The following WHRN variants were observed in gnomAD, a reference collection of about 807,000 sequenced individuals.
WHRN encodes CASK-interacting protein CIP98.
Under a neutral mutation model 68.3 loss-of-function variants are expected in WHRN, and 41 were observed. That is an observed-to-expected ratio of 0.60 (90% CI 0.47 to 0.78). WHRN has a LOEUF of 0.78. WHRN is among the 30% of genes least tolerant of loss of function. The pLI is 0.00. For synonymous variants in WHRN, 560 were observed against 561.3 expected (o/e 1.00, Z 0.03); for missense variants, 1,243 against 1,244.7 (o/e 1.00, Z 0.02).
chr9:114,434,245 G>C (rs1837659406), intron 3 of WHRN, among the ~76,000 whole-genome samples: 2 of 152,182 alleles, frequency 1.3e-5, no homozygotes, highest in Non-Finnish European at 2.9e-5. Context: ...GATGACAGCA[G>C]TGAGGCTCAG....
intron 2 of WHRN, among the ~76,000 whole-genome samples, chr9:114,472,427 C>A (rs188632932): frequency 6.6e-6 from 1 of 152,208 alleles, no homozygotes. Flanking sequence ...CCAGATAGGA[C>A]GGATCCGTGT....
At chr9:114,426,805 C>T (rs1836912350) in intron 3 of WHRN, among the ~76,000 whole-genome samples, 1 of 152,226 alleles carries the variant, frequency 6.6e-6, no homozygotes, top group Non-Finnish European at 1.5e-5. Flanking sequence ...TACACTTGTA[C>T]TTTGTTGAGG....
chr9:114,466,343 C>G lies in WHRN; in HGVS notation c.887G>C (p.Gly296Ala). ...AATGCCAAGGCCGTACTCAGCTCCC[C>G]CACGGATCGTGAGGCCCAGGGACCG... ...DGRSLGLTIRGGAEYGLGIYI... is the reference protein window; with the variant it reads ...DGRSLGLTIRAGAEYGLGIYI... Residue 296 changes from glycine to alanine, a missense_variant, in exon 3 of 12, where the codon GGG (glycine) becomes GCG (alanine). Physicochemically the swap from Gly to Ala is moderately conservative, Grantham distance 60. Transcript: ENST00000362057. 6.2e-7 allele frequency: 1 copy of G among 1,614,156 alleles called. No individual in the cohort carries two copies. Among genetic ancestry groups the G allele is most frequent in the South Asian group, 1.1e-5 (1 of 91,086 alleles).
chr9:114,448,586 T>C (rs1201414439), intron 3 of WHRN, among the ~76,000 whole-genome samples: 2 of 152,092 alleles, frequency 1.3e-5, no homozygotes, highest in Non-Finnish European at 2.9e-5. Flanking sequence ...AACTGGGCCA[T>C]CAAAAGAATA....
chr9:114,460,510 T>G (rs926372522), intron 3 of WHRN, among the ~76,000 whole-genome samples: 4 of 152,230 alleles, frequency 2.6e-5, no homozygotes, highest in African/African-American at 9.7e-5. Context: ...CAAAGGAGGT[T>G]TTGTGGTCCA....
rs7861589 is a variant in WHRN, at chr9:114,505,096, G to C, written c.-295C>G. On this transcript the variant is annotated 5_prime_UTR_variant, in exon 1 of 12. Coordinates refer to ENST00000362057, the MANE Select transcript of WHRN (RefSeq NM_015404.4). ...GCTGCTGGAGCCCGGAGGTGGCGGAGACTGCTGCTGGAGTCCGGGGGGCGC... is the reference window on the plus strand; with the variant it reads ...GCTGCTGGAGCCCGGAGGTGGCGGACACTGCTGCTGGAGTCCGGGGGGCGC... 2,417 of 365,922 alleles carry C rather than the reference G, an allele frequency of 6.6e-3. 51 individuals are homozygous for C. Among genetic ancestry groups the C allele is most frequent in the African/African-American group, 0.047 (2,203 of 46,910 alleles). The allele number at this position is 365,922 out of a possible 1,614,324, so 22.7% of individuals were successfully genotyped here.
At chr9:114,472,956 C>T (rs565636841) in intron 2 of WHRN, among the ~76,000 whole-genome samples, 36 of 152,324 alleles carry the variant, frequency 2.4e-4, no homozygotes, top group African/African-American at 7.2e-4. Flanking sequence ...CACACAGTCA[C>T]GAAGTTTCAA....
chr9:114,469,506 C>T (rs924539827), intron 2 of WHRN, among the ~76,000 whole-genome samples: 3 of 152,218 alleles, frequency 2.0e-5, no homozygotes, highest in Non-Finnish European at 2.9e-5. Flanking sequence ...CAAGGGAGCA[C>T]CTCACCAGGG....
intron 8 of WHRN, 76 bp from the exon 9 acceptor site, chr9:114,406,968 T>A: frequency 6.6e-7 from 1 of 1,511,524 alleles, no homozygotes; most frequent in East Asian, 2.5e-5. Context: ...AGCAGCTGAG[T>A]GGTGCCAGGC....
chr9:114,411,504 G>A (rs1175455696), intron 7 of WHRN, among the ~76,000 whole-genome samples: 1 of 152,182 alleles, frequency 6.6e-6, no homozygotes, highest in African/African-American at 2.4e-5. Flanking sequence ...TACATGGTAG[G>A]ACCAATGCCG....
At chr9:114,480,481 A>AAGAGAG in intron 1 of WHRN, among the ~76,000 whole-genome samples, 1 of 151,338 alleles carries the variant, frequency 6.6e-6, no homozygotes, top group Middle Eastern at 3.4e-3. Flanking sequence ...GCTTTGTAGG[A>AAGAGAG]AGAGAGAGTT....
intron 2 of WHRN, among the ~76,000 whole-genome samples, chr9:114,477,480 G>A (rs965058875): frequency 6.6e-6 from 1 of 152,052 alleles, no homozygotes; most frequent in Non-Finnish European, 1.5e-5. Context: ...GGGTCAGGAG[G>A]GCTCCATAGG....
At chr9:114,445,621 A>T (rs779833022) in intron 3 of WHRN, among the ~76,000 whole-genome samples, 2 of 151,592 alleles carry the variant, frequency 1.3e-5, no homozygotes, top group African/African-American at 2.4e-5. Context: ...CTTCTCTAAC[A>T]CCTCCCTCTA....
At chr9:114,464,784 G>A in intron 3 of WHRN, among the ~76,000 whole-genome samples, 1 of 151,682 alleles carries the variant, frequency 6.6e-6, no homozygotes, top group Non-Finnish European at 1.5e-5. Flanking sequence ...TGGGAAAGGG[G>A]AGATATGGTA....
chr9:114,503,229 G>A (rs953005688), intron 1 of WHRN: 1 of 983,792 alleles, frequency 1.0e-6, no homozygotes, highest in South Asian at 4.7e-5. Context: ...GGCGGGGAGT[G>A]GGGGTTTACA....
chr9:114,497,517 AAAAAAAAAAAGAAAAGG>A (rs1475364362), intron 1 of WHRN, among the ~76,000 whole-genome samples: 5 of 58,644 alleles, frequency 8.5e-5, no homozygotes, highest in Admixed American at 1.8e-4. Flanking sequence ...TTTTGTTTTT[AAAAAAAAAAAGAAAAGG>A]AAAAAAAAAA....
intron 1 of WHRN, among the ~76,000 whole-genome samples, chr9:114,499,773 A>T (rs1843766940): frequency 6.6e-6 from 1 of 152,236 alleles, no homozygotes; most frequent in Non-Finnish European, 1.5e-5. Flanking sequence ...ACACACGGAC[A>T]ATCCAATTGG....
chr9:114,466,101 G>A (rs926582349), intron 3 of WHRN, among the ~76,000 whole-genome samples, 166 bp downstream of exon 3: 2 of 152,238 alleles, frequency 1.3e-5, no homozygotes, highest in South Asian at 2.1e-4. Flanking sequence ...CGGCCACCCC[G>A]CTGCTGCTGT....
At chr9:114,425,792 C>G in intron 4 of WHRN, 1 of 295,058 alleles carries the variant, frequency 3.4e-6, no homozygotes, top group Non-Finnish European at 6.6e-6. Context: ...ACTTTAAGAC[C>G]CTCTCACCCA....
Sources: gnomAD v4.1 joint callset for allele counts (sites outside exome capture counted in the v4.1 genomes callset) on GRCh38, gnomAD v4.1.1 for gene constraint, MANE v1.5 for transcripts, NCBI Gene and HGNC (gene_info 2026-07-23, HGNC 2026-07-21) for gene names.